CACNA1S: variants seen among roughly 807,000 people sequenced by gnomAD.
The protein encoded by CACNA1S is voltage-dependent L-type calcium channel subunit alpha-1S.
Under a neutral mutation model 207.4 loss-of-function variants are expected in CACNA1S, and 126 were observed. That is an observed-to-expected ratio of 0.61 (90% confidence interval 0.53 to 0.70). The LOEUF is 0.70. CACNA1S is among the 30% of genes least tolerant of loss of function. The pLI is 0.00. For synonymous variants in CACNA1S, 960 were observed against 932.7 expected (o/e 1.03, Z -0.53); for missense variants, 2,349 against 2,422.8 (o/e 0.97, Z 0.64).
At chr1:201,049,397 T>C (rs1660578191) in intron 34 of CACNA1S, among the ~76,000 whole-genome samples, 1 of 152,228 alleles carries the variant, frequency 6.6e-6, no homozygotes, top group African/African-American at 2.4e-5. Context: ...AGTATCTTTC[T>C]TAGGTTTTGG....
intron 40 of CACNA1S, 35 bp downstream of exon 40, chr1:201,043,246 C>G (rs369907795): frequency 3.1e-5 from 50 of 1,613,766 alleles, no homozygotes; most frequent in Non-Finnish European, 4.2e-5. Context: ...CCTCCCAGTA[C>G]CTCTACACCC....
In CACNA1S at chr1:201,043,507, C is replaced by T; in HGVS notation, c.4822G>A (p.Val1608Met). Residue 1608 changes from valine to methionine, a missense_variant, in exon 40 of 44, where the codon GTG becomes ATG. By Grantham distance (21) the Val-to-Met change is conservative. Transcript: ENST00000362061. ...FRRTGGLFGQ[V>M]DNFLERTNSL... ...TTGGTCCTTTCCAGGAAGTTGTCCA[C>T]CTGGCCAAACAGGCCTCCAGTCCTC... 1 of 1,613,998 alleles carries T rather than the reference C, an allele frequency of 6.2e-7. No individual in the cohort carries two copies. The highest frequency in any genetic ancestry group is 1.1e-5 in the South Asian group (1 of 91,074).
intron 3 of CACNA1S, 48 bp downstream of exon 3, chr1:201,093,834 G>T: frequency 6.2e-7 from 1 of 1,609,842 alleles, no homozygotes; most frequent in Non-Finnish European, 8.5e-7. Flanking sequence ...TGGGCACACA[G>T]TCCTCAGCGA....
chr1:201,069,553 G>A lies in CACNA1S; in HGVS notation c.2409C>T (p.Asn803=), dbSNP rs1661377969. ...HRIVNATWFT[N]FILLFILLSS... ...TGAGCAGGATGAAGAGCAGGATGAA[G>A]TTGGTAAACCAGGTGGCATTGACGA... is the stretch of plus-strand genomic sequence containing the variant. Residue 803 remains asparagine (N), a synonymous_variant, in exon 18 of 44, where the codon AAC becomes AAT. Coordinates refer to ENST00000362061, the MANE Select transcript of CACNA1S (RefSeq NM_000069.3). The A allele has an allele frequency of 6.3e-7, 1 of 1,576,450 alleles. No homozygotes were observed. Among genetic ancestry groups the A allele is most frequent in the Admixed American group, 1.9e-5 (1 of 52,042 alleles).
In CACNA1S at chr1:201,048,996, T is replaced by C; in HGVS notation, c.4338+7A>G. ...TGGGGCCACCCATCCCTGGCAGCTC[T>C]GGTTACCTTACAAGCTACCCGATGT... On this transcript the variant is annotated splice_region_variant and intron_variant, in intron 35 of 43. Transcript: ENST00000362061. 3.1e-6 allele frequency: 5 copies of C among 1,610,678 alleles called. No homozygotes were observed. The highest frequency in any genetic ancestry group is 1.1e-5 in the South Asian group (1 of 90,846).
At chr1:201,054,906 C>G (rs758506981) in intron 28 of CACNA1S, among the ~76,000 whole-genome samples, 6 of 152,162 alleles carry the variant, frequency 3.9e-5, no homozygotes, top group Non-Finnish European at 8.8e-5. Flanking sequence ...ATGCTGGGGA[C>G]GTCCCTAATG....
rs1328425512 is a variant in CACNA1S at position 201,061,395 on chromosome 1, T to C, written c.3127A>G (p.Ile1043Val). ...AGGATGATGTAGATGATGAAGAAGA[T>C]GGCCATCTCCACACGGTTGTTGTAG... is the stretch of plus-strand genomic sequence containing the variant. ...PIYNNRVEMA[I>V]FFIIYIILIA... Residue 1043 changes from isoleucine to valine, a missense_variant, in exon 25 of 44, where the codon ATC becomes GTC. Coordinates refer to ENST00000362061, the MANE Select transcript of CACNA1S (RefSeq NM_000069.3). 1.2e-6 allele frequency: 2 copies of C among 1,614,080 alleles called. No individual in the cohort carries two copies. Among genetic ancestry groups the C allele is most frequent in the Non-Finnish European group, 1.7e-6 (2 of 1,180,038 alleles).
intron 2 of CACNA1S, among the ~76,000 whole-genome samples, chr1:201,104,904 C>G (rs1467846313): frequency 6.6e-6 from 1 of 152,238 alleles, no homozygotes. Context: ...GATCTAACCT[C>G]TCTGCGCTGT....
At position 201,070,349 on chromosome 1, in the gene CACNA1S, C is replaced by A. The variant is rs1391168125; in HGVS notation, c.2283G>T (p.Leu761=). Residue 761 remains leucine (L), a synonymous_variant, in exon 17 of 44, where the codon CTG becomes CTT. Coordinates refer to ENST00000362061, the MANE Select transcript of CACNA1S (RefSeq NM_000069.3). ...CCTTCTCTTTCAGCTGCAGCTCAGC[C>A]AGGGGACGTGGTCGGGGGCTCAGCG... ...EIPLSPRPRP[L]AELQLKEKAV... 5.6e-6 allele frequency: 9 copies of A among 1,613,980 alleles called. No homozygotes were observed. The highest frequency in any genetic ancestry group is 1.3e-5 in the African/African-American group (1 of 74,922).
intron 27 of CACNA1S, 54 bp downstream of exon 27, chr1:201,059,135 G>A (rs1355495071): frequency 1.1e-5 from 12 of 1,123,872 alleles, no homozygotes; most frequent in African/African-American, 1.5e-5. Context: ...TCCACTGGAA[G>A]GTCCCACCCA....
At chr1:201,109,823 C>T (rs987924850) in intron 2 of CACNA1S, among the ~76,000 whole-genome samples, 2 of 152,190 alleles carry the variant, frequency 1.3e-5, no homozygotes, top group African/African-American at 4.8e-5. Context: ...ACTAGCTGAC[C>T]TTACTAAGCC....
intron 39 of CACNA1S, among the ~76,000 whole-genome samples, chr1:201,043,919 A>C (rs1432281603): frequency 6.6e-6 from 1 of 152,100 alleles, no homozygotes; most frequent in Non-Finnish European, 1.5e-5. Context: ...GAATAACCCA[A>C]AAAGACCTAA....
At position 201,066,539 on chromosome 1, in the gene CACNA1S, C is replaced by T. The variant is rs1416414640; in HGVS notation, c.2658-223G>A. 6.6e-6 allele frequency among the ~76,000 whole-genome samples: 1 copy of T among 152,176 alleles called. No individual in the cohort carries two copies. Among genetic ancestry groups the T allele is most frequent in the East Asian group, 1.9e-4 (1 of 5,188 alleles). ...ATGCTCTCATGGGTGTGTCATGAAG[C>T]AGAAGACAGCCTTCCCCTGTGGGTG... On this transcript the variant is annotated intron_variant, in intron 20 of 43. Coordinates refer to ENST00000362061, the MANE Select transcript of CACNA1S (RefSeq NM_000069.3). The surrounding 1 kb of genome is among the most constrained non-coding windows in gnomAD (Gnocchi z 4.3).
At chr1:201,074,309 C>T (rs1401517513) in intron 14 of CACNA1S, among the ~76,000 whole-genome samples, 197 bp downstream of exon 14, 1 of 152,222 alleles carries the variant, frequency 6.6e-6, no homozygotes, top group Non-Finnish European at 1.5e-5. Context: ...TCCAGAAGGC[C>T]AACTTGTCTC....
At chr1:201,049,148 C>G in intron 34 of CACNA1S, 49 bp from the exon 35 acceptor site, 1 of 1,310,648 alleles carries the variant, frequency 7.6e-7, no homozygotes, top group South Asian at 1.2e-5. Context: ...CCTCCGCTGC[C>G]AGAACCTTTC....
chr1:201,094,001 G>A lies in CACNA1S; in HGVS notation c.279C>T (p.Phe93=). The part of the protein sequence containing the change: ...NLGLEKLEYF[F]LIVFSIEAAM... Reference sequence around the variant, plus strand: ...CGGCTTCAATCGAGAAGACAATGAGGAAGAAATACTCCAGCTTCTCCTGTG... The same window carrying A: ...CGGCTTCAATCGAGAAGACAATGAGAAAGAAATACTCCAGCTTCTCCTGTG... The change falls in exon 3 of 44, where the codon TTC becomes TTT. Residue 93 remains phenylalanine, a synonymous_variant. Transcript: ENST00000362061. 1 of 1,614,208 alleles carries A rather than the reference G, an allele frequency of 6.2e-7. No individual in the cohort carries two copies. Among genetic ancestry groups the A allele is most frequent in the Non-Finnish European group, 8.5e-7 (1 of 1,180,034 alleles).
intron 2 of CACNA1S, among the ~76,000 whole-genome samples, chr1:201,097,952 T>C (rs1218480351): frequency 6.6e-6 from 1 of 152,196 alleles, no homozygotes; most frequent in Non-Finnish European, 1.5e-5. Flanking sequence ...CATGACTCAC[T>C]TTTTTCTTTC....
chr1:201,041,418 G>A (rs1660194011), intron 41 of CACNA1S, 86 bp downstream of exon 41: 1 of 1,050,196 alleles, frequency 9.5e-7, no homozygotes, highest in Non-Finnish European at 1.5e-6. Flanking sequence ...TCCCAGCCAA[G>A]TTCCCAGACT....
intron 2 of CACNA1S, among the ~76,000 whole-genome samples, chr1:201,094,499 T>C (rs1416750895): frequency 2.0e-5 from 3 of 152,076 alleles, no homozygotes; most frequent in Admixed American, 6.6e-5. Flanking sequence ...AAATGAAGGA[T>C]CTGAGGTACC....
Sources: gnomAD v4.1 joint callset for allele counts (sites outside exome capture counted in the v4.1 genomes callset) on GRCh38, gnomAD v4.1.1 for gene constraint, Gnocchi (gnomAD v3.1) non-coding constraint, MANE v1.5 for transcripts, NCBI Gene and HGNC (gene_info 2026-07-23, HGNC 2026-07-21) for gene names.